KCNQ1: variants seen among roughly 807,000 people sequenced by gnomAD.
KCNQ1 encodes the protein potassium voltage-gated channel subfamily KQT member 1.
KCNQ1 carries 49 observed loss-of-function variants against 72.4 expected under a neutral mutation model. That is an observed-to-expected ratio of 0.68 (90% CI 0.54 to 0.86). The LOEUF (loss-of-function observed/expected upper bound fraction) is 0.86. Ranked by LOEUF, KCNQ1 falls within the 40% of genes least tolerant of loss-of-function variation. The pLI is 0.00. For synonymous variants in KCNQ1, 450 were observed against 412.6 expected, an observed-to-expected ratio of 1.09 and a Z score of -1.10; for missense variants, 790 against 945.1, an observed-to-expected ratio of 0.84 and a Z score of 2.15.
Position 2,509,188 on chromosome 11 carries a change from G to C in KCNQ1, c.387-18740G>C, listed in dbSNP as rs1057440104. 6.6e-6 allele frequency among the ~76,000 whole-genome samples: 1 copy of C among 152,222 alleles called. No individual in the cohort carries two copies. The highest frequency in any genetic ancestry group is 2.4e-5 in the African/African-American group (1 of 41,442). On this transcript the variant is annotated intron_variant, in intron 1 of 15. Coordinates refer to ENST00000155840, the MANE Select transcript of KCNQ1 (RefSeq NM_000218.3). The surrounding 1 kb of genome is among the most constrained non-coding windows in gnomAD (Gnocchi z 6.3). The stretch of plus-strand genomic sequence containing the variant: ...AGGTTGGGAGAGCAACTATCTCAAG[G>C]CTTTTATTTGCTGTTTCATGAAACT...
chr11:2,588,702 G>GA lies in KCNQ1; in HGVS notation c.1252-11_1252-10insA. The stretch of plus-strand genomic sequence containing the variant: ...CCAGGAACCGCTAATCTGTTGTCTT[G>GA]TTTTTTTTAGGTAAAGAAAAAAAAG... On this transcript the variant is annotated splice_polypyrimidine_tract_variant and intron_variant, in intron 9 of 15. Transcript: ENST00000155840. The surrounding 1 kb of genome is among the most constrained non-coding windows in gnomAD (Gnocchi z 5.6). 6.2e-7 allele frequency: 1 copy of GA among 1,612,564 alleles called. No homozygotes were observed. The highest frequency in any genetic ancestry group is 8.5e-7 in the Non-Finnish European group (1 of 1,179,578).
Position 2,669,294 on chromosome 11 carries a change from A to G in KCNQ1, c.1514+7213A>G. On this transcript the variant is annotated intron_variant, in intron 11 of 15. Transcript: ENST00000155840. The surrounding 1 kb of genome is among the most constrained non-coding windows in gnomAD (Gnocchi z 5.6). ...TGTCTTTGCAGGGTTTCTCCTCACC[A>G]TACATATGCCAGTTGCCATGGAAAG... is the stretch of plus-strand genomic sequence containing the variant. 1 of 398,626 alleles carries G rather than the reference A, an allele frequency of 2.5e-6. No homozygotes were observed. Among genetic ancestry groups the G allele is most frequent in the Non-Finnish European group, 4.4e-6 (1 of 226,080 alleles). 24.7% of individuals were successfully genotyped at this position (398,626 alleles called of 1,614,324 possible).
At position 2,670,594 on chromosome 11, in the gene KCNQ1, C is replaced by T. The variant is rs2283184; in HGVS notation, c.1514+8513C>T. Reference sequence around the variant, plus strand: ...ATAGGAGCAGAAGCCAGGGCTCATTCCCAGACACACAATCTCTGGGGGAGC... The same window carrying T: ...ATAGGAGCAGAAGCCAGGGCTCATTTCCAGACACACAATCTCTGGGGGAGC... On this transcript the variant is annotated intron_variant, in intron 11 of 15. Coordinates refer to ENST00000155840, the MANE Select transcript of KCNQ1 (RefSeq NM_000218.3). The surrounding 1 kb of genome is among the most constrained non-coding windows in gnomAD (Gnocchi z 4.9). 5,617 of 398,262 alleles carry T rather than the reference C, an allele frequency of 0.014. 193 individuals carry two copies. The highest frequency in any genetic ancestry group is 0.095 in the East Asian group (2,659 of 28,058). The allele number at this position is 398,262 out of a possible 1,614,324, so 24.7% of individuals were successfully genotyped here. A position where few individuals can be genotyped will look rare whatever the true frequency, so the allele number is the denominator to read the frequency against.
rs981560557 is a variant in KCNQ1 at position 2,564,024 on chromosome 11, C to T, written c.478-6604C>T. Among the ~76,000 whole-genome samples, 2 of 152,134 alleles carry T rather than the reference C, an allele frequency of 1.3e-5. No homozygotes were observed. The highest frequency in any genetic ancestry group is 6.5e-5 in the Admixed American group (1 of 15,282). The stretch of plus-strand genomic sequence containing the variant: ...ACAGAATCCTTTTGGAGACCTGACC[C>T]GCGGGAGCCCAGGTGAGCAACCGCC... On this transcript the variant is annotated intron_variant, in intron 2 of 15. Coordinates refer to ENST00000155840, the MANE Select transcript of KCNQ1 (RefSeq NM_000218.3). The surrounding 1 kb of genome is among the most constrained non-coding windows in gnomAD (Gnocchi z 4.5).
intron 11 of KCNQ1, chr11:2,694,765 G>A (rs1193212619): frequency 1.5e-5 from 6 of 398,452 alleles, no homozygotes; most frequent in Non-Finnish European, 2.2e-5. Flanking sequence ...CTAGAAAAGC[G>A]TAGCCTGTGC....
chr11:2,561,306 C>A (rs1455675070), intron 2 of KCNQ1, among the ~76,000 whole-genome samples: 1 of 152,206 alleles, frequency 6.6e-6, no homozygotes, highest in Non-Finnish European at 1.5e-5. Flanking sequence ...TGGAGGGCCC[C>A]AGGCAGCTGG....
intron 11 of KCNQ1, among the ~76,000 whole-genome samples, chr11:2,736,517 C>T (rs547364437): frequency 7.6e-4 from 115 of 152,242 alleles, no homozygotes; most frequent in Admixed American, 2.7e-3. Context: ...GGATGGGAGG[C>T]GCTAGGTGCC....
At chr11:2,742,774 T>C (rs1244579060) in intron 11 of KCNQ1, among the ~76,000 whole-genome samples, 2 of 152,230 alleles carry the variant, frequency 1.3e-5, no homozygotes, top group African/African-American at 2.4e-5. Context: ...GGGCCCGCTG[T>C]GGCCTCCTCT....
intron 11 of KCNQ1, chr11:2,667,634 C>T (rs1412190544): frequency 1.5e-5 from 6 of 398,644 alleles, no homozygotes; most frequent in Middle Eastern, 6.3e-4. Flanking sequence ...GTGTGCTCTG[C>T]TGATACCTGA....
rs1331207008 is a variant in KCNQ1, at chr11:2,541,677, G to C, written c.477+13659G>C. Among the ~76,000 whole-genome samples the C allele has an allele frequency of 1.3e-5, 2 of 150,846 alleles. No individual in the cohort carries two copies. Among genetic ancestry groups the C allele is most frequent in the Non-Finnish European group, 2.9e-5 (2 of 67,878 alleles). On this transcript the variant is annotated intron_variant, in intron 2 of 15. Transcript: ENST00000155840. This position sits in a 1 kb window ranked among gnomAD's most constrained non-coding sequence, Gnocchi z 4.8. Reference sequence around the variant, plus strand: ...AGCCCCCTTCTGCTCAAGTTCTCTTGCTTCATCTCAGGCTCAGGTGTTTTG... The same window carrying C: ...AGCCCCCTTCTGCTCAAGTTCTCTTCCTTCATCTCAGGCTCAGGTGTTTTG...
intron 1 of KCNQ1, among the ~76,000 whole-genome samples, chr11:2,455,286 G>C (rs1368956482): frequency 4.6e-5 from 7 of 152,144 alleles, no homozygotes; most frequent in Admixed American, 2.6e-4. Context: ...TTTTAGTAGA[G>C]ACGGGGTTTC....
chr11:2,652,083 C>T lies in KCNQ1; in HGVS notation c.1394-9878C>T, dbSNP rs146924322. 25 of 398,704 alleles carry T rather than the reference C, an allele frequency of 6.3e-5. No homozygotes were observed. The highest frequency in any genetic ancestry group is 4.7e-4 in the African/African-American group (23 of 48,764). 24.7% of individuals were successfully genotyped at this position (398,704 alleles called of 1,614,324 possible). A position where few individuals can be genotyped will look rare whatever the true frequency, so the allele number is the denominator to read the frequency against. On this transcript the variant is annotated intron_variant, in intron 10 of 15. Transcript: ENST00000155840. This position sits in a 1 kb window ranked among gnomAD's most constrained non-coding sequence, Gnocchi z 5.9. ...CTCCAATTTGAGAAGCTATGGGGAGCCTCTCGGCCCCAGTTCTGGCCTGGC... is the reference window on the plus strand; with the variant it reads ...CTCCAATTTGAGAAGCTATGGGGAGTCTCTCGGCCCCAGTTCTGGCCTGGC...
At chr11:2,643,936 C>A (rs958527496) in intron 10 of KCNQ1, 1 of 398,444 alleles carries the variant, frequency 2.5e-6, no homozygotes, top group African/African-American at 2.1e-5. Flanking sequence ...ATCCCATCCT[C>A]CTGGCCTGTA....
Position 2,663,095 on chromosome 11 carries a change from G to C in KCNQ1, c.1514+1014G>C, listed in dbSNP as rs1849998632. 2.5e-6 allele frequency: 1 copy of C among 398,552 alleles called. No individual in the cohort carries two copies. Among genetic ancestry groups the C allele is most frequent in the African/African-American group, 2.1e-5 (1 of 48,628 alleles). 24.7% of individuals were successfully genotyped at this position (398,552 alleles called of 1,614,324 possible). A position where few individuals can be genotyped will look rare whatever the true frequency, so the allele number is the denominator to read the frequency against. On this transcript the variant is annotated intron_variant, in intron 11 of 15. Transcript: ENST00000155840. This position sits in a 1 kb window ranked among gnomAD's most constrained non-coding sequence, Gnocchi z 5.2. ...GTAGCCAGAATGAGGCCACCTCCAG[G>C]GAAGGAGTGGCTATCTTAAGGGGTA...
chr11:2,744,173 C>T (rs1042440798), intron 11 of KCNQ1, among the ~76,000 whole-genome samples: 2 of 152,262 alleles, frequency 1.3e-5, no homozygotes, highest in Non-Finnish European at 2.9e-5. Flanking sequence ...GAGATTATTA[C>T]AGGGAGCTGG....
intron 10 of KCNQ1, chr11:2,648,638 C>T (rs1849704318): frequency 5.0e-6 from 2 of 398,340 alleles, no homozygotes; most frequent in African/African-American, 4.1e-5. Context: ...TGAGAAGATA[C>T]TTGATAAGAT....
At chr11:2,472,790 A>G (rs1192929352) in intron 1 of KCNQ1, among the ~76,000 whole-genome samples, 9 of 152,054 alleles carry the variant, frequency 5.9e-5, no homozygotes, top group Admixed American at 3.9e-4. Flanking sequence ...CTGCCACTCC[A>G]GCTTGTTTGA....
rs796967111 is a variant in KCNQ1 at position 2,585,073 on chromosome 11, C to A, written c.1033-139C>A. 1.4e-5 allele frequency: 11 copies of A among 766,902 alleles called. No homozygotes were observed. The African/African-American group carries it at 1.5e-4, about 11-fold the overall frequency. The allele number at this position is 766,902 out of a possible 1,614,324, so 47.5% of individuals were successfully genotyped here. On this transcript the variant is annotated intron_variant, in intron 7 of 15. Coordinates refer to ENST00000155840, the MANE Select transcript of KCNQ1 (RefSeq NM_000218.3). The stretch of plus-strand genomic sequence containing the variant: ...CTGGCCCAGGACAGGCAGGCTGGGC[C>A]CGAGGTGGGACTTGGGGGGGCTTCC...
intron 8 of KCNQ1, among the ~76,000 whole-genome samples, chr11:2,585,709 G>A (rs1188945939): frequency 6.6e-6 from 1 of 152,224 alleles, no homozygotes; most frequent in Admixed American, 6.5e-5. Flanking sequence ...TGCAGTTGGT[G>A]CCTTCTGGAG....
Sources: allele counts gnomAD v4.1 joint callset (sites outside exome capture counted in the v4.1 genomes callset), GRCh38; gene constraint gnomAD v4.1.1; non-coding constraint Gnocchi (gnomAD v3.1); transcripts MANE v1.5; gene names NCBI Gene and HGNC (gene_info 2026-07-23, HGNC 2026-07-21).